Variants in TATDN1 observed in about 807,000 individuals in gnomAD.
TATDN1 encodes the protein deoxyribonuclease TATDN1.
TATDN1 carries 40 observed loss-of-function variants against 46.4 expected under a neutral mutation model. That is an observed-to-expected ratio of 0.86 (90% CI 0.67 to 1.12). The LOEUF is 1.12. Ranked by LOEUF, TATDN1 falls within the 50% of genes most tolerant of loss-of-function variation. TATDN1 has a pLI of 0.00. For synonymous variants in TATDN1, 95 were observed against 105.6 expected, an observed-to-expected ratio of 0.90 and a Z score of 0.62; for missense variants, 326 against 348.4, an observed-to-expected ratio of 0.94 and a Z score of 0.51.
Position 124,511,511 on chromosome 8 carries a change from C to A in TATDN1, c.390-2823G>T, listed in dbSNP as rs184017852. ...ATGCCCAAAGCAAATTCCTCCTACC[C>A]AAGAGAACAGAGCTCTAAATTGCAA... is the stretch of plus-strand genomic sequence containing the variant. On this transcript the variant is annotated intron_variant, in intron 6 of 11. Transcript: ENST00000276692. Among the ~76,000 whole-genome samples, 207 of 152,248 alleles carry A rather than the reference C, an allele frequency of 1.4e-3. 1 individual carries two copies. The highest frequency in any genetic ancestry group is 4.9e-3 in the African/African-American group (203 of 41,552).
rs1816624929 is a variant in TATDN1, at chr8:124,488,708, CAAA to C, written c.792-15_792-13del. On this transcript the variant is annotated splice_polypyrimidine_tract_variant and intron_variant, in intron 11 of 11. Coordinates refer to ENST00000276692, the MANE Select transcript of TATDN1 (RefSeq NM_032026.4). The stretch of plus-strand genomic sequence containing the variant: ...TCTCCAATATTTGACTAAAACAAAA[CAAA>C]AACAAAAATGGTTAAATCTCCAAGT... 3.4e-6 allele frequency: 5 copies of C among 1,474,240 alleles called. No homozygotes were observed. The African/African-American group carries it at 4.2e-5, about 12-fold the overall frequency. The allele number at this position is 1,474,240 out of a possible 1,614,324, so 91.3% of individuals were successfully genotyped here.
chr8:124,537,194 G>A (rs978606344), intron 1 of TATDN1, among the ~76,000 whole-genome samples: 4 of 151,860 alleles, frequency 2.6e-5, no homozygotes, highest in Non-Finnish European at 5.9e-5. Context: ...ATTGTACTAC[G>A]CCCCTAGGAA....
chr8:124,525,367 G>A (rs1446092119), intron 1 of TATDN1, among the ~76,000 whole-genome samples: 2 of 151,918 alleles, frequency 1.3e-5, no homozygotes, highest in African/African-American at 4.8e-5. Context: ...GGCTGGTCTC[G>A]AACTCCTGAC....
chr8:124,491,887 G>C (rs1277136929), intron 11 of TATDN1, among the ~76,000 whole-genome samples: 1 of 152,018 alleles, frequency 6.6e-6, no homozygotes, highest in Non-Finnish European at 1.5e-5. Flanking sequence ...TTTTAAATGT[G>C]GTTTAAATCT....
At chr8:124,506,589 G>A (rs948416938) in intron 8 of TATDN1, among the ~76,000 whole-genome samples, 1 of 152,172 alleles carries the variant, frequency 6.6e-6, no homozygotes, top group Admixed American at 6.5e-5. Context: ...CAGCAATGCA[G>A]GATGCATACA....
At chr8:124,528,828 A>G (rs1820720612) in intron 1 of TATDN1, among the ~76,000 whole-genome samples, 1 of 152,122 alleles carries the variant, frequency 6.6e-6, no homozygotes, top group Admixed American at 6.5e-5. Flanking sequence ...GGAGAAGAAA[A>G]ACAAATTTTC....
intron 1 of TATDN1, among the ~76,000 whole-genome samples, chr8:124,531,811 G>A (rs769084689): frequency 1.3e-5 from 2 of 152,164 alleles, no homozygotes; most frequent in Non-Finnish European, 2.9e-5. Flanking sequence ...AAGAGCTGGA[G>A]AGAGCCACCA....
At chr8:124,504,372 A>G in intron 8 of TATDN1, 25 bp from the exon 9 acceptor site, 1 of 1,446,356 alleles carries the variant, frequency 6.9e-7, no homozygotes, top group South Asian at 1.4e-5. Flanking sequence ...GTATAAGTTT[A>G]TTATTATAAT....
intron 4 of TATDN1, 36 bp downstream of exon 4, chr8:124,518,782 T>C (rs1206524013): frequency 6.6e-7 from 1 of 1,511,344 alleles, no homozygotes; most frequent in Non-Finnish European, 9.2e-7. Flanking sequence ...AATTACTTAA[T>C]TCATTTTTTT....
intron 2 of TATDN1, among the ~76,000 whole-genome samples, 184 bp from the exon 3 acceptor site, chr8:124,522,384 T>A (rs1221363254): frequency 6.6e-6 from 1 of 152,240 alleles, no homozygotes; most frequent in Non-Finnish European, 1.5e-5. Context: ...TAAATGTGTT[T>A]CACTTTGTTT....
chr8:124,525,633 GTCT>G (rs1318142447), intron 1 of TATDN1, among the ~76,000 whole-genome samples: 5 of 152,130 alleles, frequency 3.3e-5, no homozygotes, highest in Non-Finnish European at 7.3e-5. Context: ...CAAATTAAAA[GTCT>G]TATTAGCATG....
At chr8:124,510,523 T>A (rs1818916917) in intron 6 of TATDN1, among the ~76,000 whole-genome samples, 1 of 152,086 alleles carries the variant, frequency 6.6e-6, no homozygotes. Context: ...AAAGTACAGT[T>A]TATGAAAATA....
At chr8:124,525,468 C>T (rs1820406472) in intron 1 of TATDN1, among the ~76,000 whole-genome samples, 1 of 151,990 alleles carries the variant, frequency 6.6e-6, no homozygotes, top group Non-Finnish European at 1.5e-5. Context: ...ATTCTTGTAC[C>T]CTCGCACTGC....
At position 124,539,082 on chromosome 8, in the gene TATDN1, A is replaced by C; in HGVS notation, c.-36T>G. 1 of 1,611,732 alleles carries C rather than the reference A, an allele frequency of 6.2e-7. No homozygotes were observed. The highest frequency in any genetic ancestry group is 8.5e-7 in the Non-Finnish European group (1 of 1,178,004). On this transcript the variant is annotated 5_prime_UTR_variant, in exon 1 of 12. Coordinates refer to ENST00000276692, the MANE Select transcript of TATDN1 (RefSeq NM_032026.4). ...GGAGGACCTCCCCAGCGGAAGCGGAAGTGGCCGCCGGCAACTCCGCCCTTC... is the reference window on the plus strand; with the variant it reads ...GGAGGACCTCCCCAGCGGAAGCGGACGTGGCCGCCGGCAACTCCGCCCTTC...
At chr8:124,494,156 A>G (rs1326493613) in intron 10 of TATDN1, 197 bp from the exon 11 acceptor site, 1 of 410,402 alleles carries the variant, frequency 2.4e-6, no homozygotes, top group Non-Finnish European at 4.2e-6. Flanking sequence ...TCTAAGACTC[A>G]CTTCTATTCC....
intron 6 of TATDN1, among the ~76,000 whole-genome samples, chr8:124,509,238 G>C (rs1818796894): frequency 6.6e-6 from 1 of 152,200 alleles, no homozygotes; most frequent in Non-Finnish European, 1.5e-5. Flanking sequence ...CCAAGTACCA[G>C]ATACCATTGT....
chr8:124,526,346 T>C (rs1820499830), intron 1 of TATDN1, among the ~76,000 whole-genome samples: 1 of 152,238 alleles, frequency 6.6e-6, no homozygotes, highest in Admixed American at 6.5e-5. Flanking sequence ...CAATAGTATC[T>C]TTTAAATTAA....
At chr8:124,496,748 C>T (rs1326325567) in intron 9 of TATDN1, among the ~76,000 whole-genome samples, 1 of 152,168 alleles carries the variant, frequency 6.6e-6, no homozygotes, top group East Asian at 1.9e-4. Context: ...CCTTATGTAG[C>T]ATTTTTAATT....
chr8:124,518,195 G>C (rs1186943358), intron 4 of TATDN1, among the ~76,000 whole-genome samples: 1 of 105,206 alleles, frequency 9.5e-6, no homozygotes, highest in Non-Finnish European at 1.7e-5. Flanking sequence ...CTGGGCGACA[G>C]AGTGAGACTC....
Sources: gnomAD v4.1 joint callset for allele counts (sites outside exome capture counted in the v4.1 genomes callset) on GRCh38, gnomAD v4.1.1 for gene constraint, MANE v1.5 for transcripts, NCBI Gene and HGNC (gene_info 2026-07-23, HGNC 2026-07-21) for gene names.